The following MBNL1 variants were observed in gnomAD, a reference collection of about 807,000 sequenced individuals.
The protein encoded by MBNL1 is muscleblind like splicing regulator 1.
A neutral mutation model predicts 42.2 loss-of-function variants in MBNL1; 8 were observed. The observed-to-expected ratio is 0.19, with a 90% CI of 0.11 to 0.34. The LOEUF (loss-of-function observed/expected upper bound fraction) is 0.34. Ranked by LOEUF, MBNL1 falls within the 10% of genes least tolerant of loss-of-function variation. The pLI is 1.00. For missense variants in MBNL1, 309 were observed against 495.3 expected (o/e 0.62, Z 3.57); for synonymous variants, 169 against 173.9 (o/e 0.97, Z 0.22).
At chr3:152,294,774 C>T (rs771710001) in intron 1 of MBNL1, among the ~76,000 whole-genome samples, 2 of 152,218 alleles carry the variant, frequency 1.3e-5, no homozygotes, top group Non-Finnish European at 2.9e-5. Flanking sequence ...GGACATTACC[C>T]ACATATCTTT....
intron 2 of MBNL1, among the ~76,000 whole-genome samples, chr3:152,346,539 A>T (rs1280640372): frequency 6.6e-6 from 1 of 152,160 alleles, no homozygotes. Context: ...GATACAAGAT[A>T]ACCACATATT....
intron 1 of MBNL1, chr3:152,269,903 A>AGC (rs2039759001): frequency 1.9e-5 from 1 of 52,152 alleles, no homozygotes; most frequent in Non-Finnish European, 3.4e-5. Flanking sequence ...ACAAATATGT[A>AGC]GCCACCCCCC....
chr3:152,437,042 C>T (rs577774490), intron 4 of MBNL1, among the ~76,000 whole-genome samples: 29 of 152,300 alleles, frequency 1.9e-4, no homozygotes, highest in African/African-American at 5.8e-4. Context: ...GTTATTTCCT[C>T]GCATGCTAAT....
chr3:152,390,617 A>ACG (rs2153470322), intron 2 of MBNL1, among the ~76,000 whole-genome samples: 1 of 148,638 alleles, frequency 6.7e-6, no homozygotes, highest in East Asian at 1.9e-4. Flanking sequence ...TGTTATGCAC[A>ACG]CACACACACA....
rs552766959 is a variant in MBNL1, at chr3:152,457,131, AATG to A, written c.1092+776_1092+778del. On this transcript the variant is annotated intron_variant, in intron 8 of 9. Coordinates refer to ENST00000324210, the MANE Select transcript of MBNL1 (RefSeq NM_021038.5). The stretch of plus-strand genomic sequence containing the variant: ...ATACAATAATAACTATTTAAAAATA[AATG>A]ATGATTTAAAATATTTAAAATTTAA... 2.4e-3 allele frequency among the ~76,000 whole-genome samples: 371 copies of A among 152,278 alleles called. 1 individual carries two copies. The highest frequency in any genetic ancestry group is 4.0e-3 in the Non-Finnish European group (273 of 68,010).
chr3:152,346,559 A>G (rs1010931879), intron 2 of MBNL1, among the ~76,000 whole-genome samples: 3 of 152,136 alleles, frequency 2.0e-5, no homozygotes, highest in Non-Finnish European at 4.4e-5. Context: ...TTTTCCTAGA[A>G]TAATTTAATT....
At chr3:152,342,256 C>T (rs927569320) in intron 2 of MBNL1, among the ~76,000 whole-genome samples, 3 of 152,090 alleles carry the variant, frequency 2.0e-5, no homozygotes, top group African/African-American at 7.2e-5. Context: ...ATTCTGTCTG[C>T]ACCTCCTTCC....
intron 1 of MBNL1, among the ~76,000 whole-genome samples, chr3:152,290,949 C>G (rs1214181230): frequency 6.6e-6 from 1 of 152,102 alleles, no homozygotes; most frequent in East Asian, 1.9e-4. Context: ...TTTGATTTTT[C>G]TACCATTTAG....
At chr3:152,439,335 G>A (rs1052674460) in intron 4 of MBNL1, among the ~76,000 whole-genome samples, 4 of 152,142 alleles carry the variant, frequency 2.6e-5, no homozygotes, top group African/African-American at 9.7e-5. Flanking sequence ...GATTTTTTAG[G>A]TGTTTAGTGG....
chr3:152,426,965 C>T (rs547795153), intron 3 of MBNL1, among the ~76,000 whole-genome samples: 1 of 152,220 alleles, frequency 6.6e-6, no homozygotes, highest in African/African-American at 2.4e-5. Context: ...GTCATTCATT[C>T]TTCCAGGAAC....
chr3:152,244,458 C>T (rs1014753982), intron 2 of MBNL1: 4 of 152,148 alleles, frequency 2.6e-5, no homozygotes, highest in Non-Finnish European at 5.9e-5. Context: ...CAATTATTTG[C>T]TATTTTTCAT....
At chr3:152,437,670 T>C (rs1157304341) in intron 4 of MBNL1, among the ~76,000 whole-genome samples, 2 of 152,128 alleles carry the variant, frequency 1.3e-5, no homozygotes, top group African/African-American at 4.8e-5. Flanking sequence ...ATATATCACA[T>C]ATACACACAA....
chr3:152,382,473 T>G (rs993632398), intron 2 of MBNL1, among the ~76,000 whole-genome samples: 4 of 152,050 alleles, frequency 2.6e-5, no homozygotes, highest in African/African-American at 9.7e-5. Flanking sequence ...TCCTGCCCCT[T>G]CCCTAAAGCT....
At chr3:152,324,807 A>G (rs1311413746) in intron 2 of MBNL1, among the ~76,000 whole-genome samples, 1 of 152,086 alleles carries the variant, frequency 6.6e-6, no homozygotes, top group African/African-American at 2.4e-5. Flanking sequence ...CGGGGATGAT[A>G]ATAATAGCAC....
chr3:152,417,887 G>T (rs1397590471), intron 3 of MBNL1, among the ~76,000 whole-genome samples: 1 of 152,152 alleles, frequency 6.6e-6, no homozygotes, highest in Non-Finnish European at 1.5e-5. Flanking sequence ...CAAGAAATAT[G>T]CCACTAAGCT....
chr3:152,319,544 C>T (rs764619284), intron 2 of MBNL1, among the ~76,000 whole-genome samples: 4 of 148,792 alleles, frequency 2.7e-5, no homozygotes, highest in Admixed American at 1.4e-4. Flanking sequence ...CTATTAAGGT[C>T]GAGTCCAAGT....
intron 3 of MBNL1, among the ~76,000 whole-genome samples, chr3:152,431,818 C>T (rs2099010803): frequency 6.6e-6 from 1 of 152,074 alleles, no homozygotes; most frequent in South Asian, 2.1e-4. Context: ...ACTTTAAATA[C>T]TAGAAAAACA....
At position 152,389,015 on chromosome 3, in the gene MBNL1, A is replaced by T. The variant is rs915354837; in HGVS notation, c.175-25926A>T. 3.9e-5 allele frequency among the ~76,000 whole-genome samples: 6 copies of T among 152,348 alleles called. No individual in the cohort carries two copies. In the East Asian group the frequency reaches 9.6e-4, roughly 24 times the overall value. On this transcript the variant is annotated intron_variant, in intron 2 of 9. Transcript: ENST00000324210. ...TTTAGAGCCTAATTCACATGCTTTTAAACAGTTGACATGAAATATTTCATA... is the reference window on the plus strand; with the variant it reads ...TTTAGAGCCTAATTCACATGCTTTTTAACAGTTGACATGAAATATTTCATA...
chr3:152,376,147 T>G (rs922923338), intron 2 of MBNL1, among the ~76,000 whole-genome samples: 2 of 152,170 alleles, frequency 1.3e-5, no homozygotes, highest in African/African-American at 4.8e-5. Flanking sequence ...ATGAATATAT[T>G]AATAAGTTTT....
Sources: gnomAD v4.1 joint callset for allele counts (sites outside exome capture counted in the v4.1 genomes callset) on GRCh38, gnomAD v4.1.1 for gene constraint, MANE v1.5 for transcripts, NCBI Gene and HGNC (gene_info 2026-07-23, HGNC 2026-07-21) for gene names.